Variants in ANGPTL1 observed in about 807,000 individuals in gnomAD.
ANGPTL1 encodes angiopoietin-related protein 1.
In ANGPTL1, 36 loss-of-function variants were observed where a neutral mutation model predicts 46.7. The observed-to-expected ratio is 0.77, with a 90% CI of 0.59 to 1.02. The LOEUF (loss-of-function observed/expected upper bound fraction) is 1.02. Ranked by LOEUF, ANGPTL1 falls within the 50% of genes least tolerant of loss-of-function variation. The pLI is 0.00. For missense variants in ANGPTL1, 571 were observed against 594.7 expected (o/e 0.96, Z 0.41); for synonymous variants, 221 against 204.3 (o/e 1.08, Z -0.69).
In ANGPTL1 at chr1:178,865,200, T is replaced by C; in HGVS notation, c.577A>G (p.Ile193Val). ...TDLVNNQSVM[I>V]TLLEEQCLRI... ...AAGCACTGTTCTTCCAACAAAGTGATCATCACAGATTGGTTATTGACAAGA... is the reference window on the plus strand; with the variant it reads ...AAGCACTGTTCTTCCAACAAAGTGACCATCACAGATTGGTTATTGACAAGA... The change falls in exon 3 of 6, where the codon ATC becomes GTC. Residue 193 changes from isoleucine to valine, a missense_variant. Coordinates refer to ENST00000234816, the MANE Select transcript of ANGPTL1 (RefSeq NM_004673.4). The C allele has an allele frequency of 6.2e-7, 1 of 1,613,858 alleles. No homozygotes were observed. Among genetic ancestry groups the C allele is most frequent in the Admixed American group, 1.7e-5 (1 of 60,016 alleles).
rs111624610 is a variant in ANGPTL1 at position 178,864,860 on chromosome 1, G to A, written c.823+94C>T. 3.6e-4 allele frequency: 312 copies of A among 857,990 alleles called. 2 individuals carry two copies. The African/African-American group carries it at 4.6e-3, about 13-fold the overall frequency. 53.1% of individuals were successfully genotyped at this position (857,990 alleles called of 1,614,324 possible). A position where few individuals can be genotyped will look rare whatever the true frequency, so the allele number is the denominator to read the frequency against. On this transcript the variant is annotated intron_variant, in intron 3 of 5. Transcript: ENST00000234816. ...AATTTTAATGTACATATATAACATC[G>A]CAAAATGAATAAGCATTTATTATGA...
chr1:178,853,926 A>G (rs1657355779), intron 3 of ANGPTL1, 139 bp from the exon 4 acceptor site: 2 of 519,934 alleles, frequency 3.8e-6, no homozygotes, highest in East Asian at 7.0e-5. Context: ...TATAAAATAT[A>G]ACTAAATAAA....
chr1:178,863,881 T>C (rs1658205885), intron 3 of ANGPTL1, among the ~76,000 whole-genome samples: 1 of 152,234 alleles, frequency 6.6e-6, no homozygotes, highest in African/African-American at 2.4e-5. Flanking sequence ...CTTCATGATA[T>C]ATTTCTTTCT....
At chr1:178,868,489 A>G (rs1658555066) in intron 2 of ANGPTL1, among the ~76,000 whole-genome samples, 1 of 152,044 alleles carries the variant, frequency 6.6e-6, no homozygotes, top group Admixed American at 6.6e-5. Flanking sequence ...GCAGGAAGTA[A>G]TATAAAACTC....
intron 2 of ANGPTL1, among the ~76,000 whole-genome samples, chr1:178,866,641 A>C (rs1227326377): frequency 6.6e-6 from 1 of 152,118 alleles, no homozygotes; most frequent in Non-Finnish European, 1.5e-5. Flanking sequence ...ATTGAATATG[A>C]ATGTCAGAGT....
intron 2 of ANGPTL1, 92 bp downstream of exon 2, chr1:178,869,022 A>G (rs1471233335): frequency 1.3e-5 from 2 of 152,074 alleles, no homozygotes; most frequent in Non-Finnish European, 2.9e-5. Flanking sequence ...CAAAAGATCC[A>G]TAAATCTATG....
At chr1:178,866,828 G>C (rs543962091) in intron 2 of ANGPTL1, among the ~76,000 whole-genome samples, 10 of 152,270 alleles carry the variant, frequency 6.6e-5, no homozygotes, top group Non-Finnish European at 1.3e-4. Flanking sequence ...CGTTTTTGCT[G>C]TAGCAGATGA....
intron 3 of ANGPTL1, among the ~76,000 whole-genome samples, chr1:178,854,614 A>G (rs1005606221): frequency 3.3e-5 from 5 of 152,102 alleles, no homozygotes; most frequent in East Asian, 1.9e-4. Context: ...CATTTAACCT[A>G]CAGTTACCTG....
chr1:178,851,176 AC>A lies in ANGPTL1; in HGVS notation c.1428del (p.Ser477HisfsTer4). ...ATCTGAACTGCTCTTAAGGAGTATG[AC>A]CCGCCTCTGTATTCGGCCCAGAAAA... ...DGIFWAEYRGGSYSLRAVQMM... is the reference protein window; with the variant it reads ...DGIFWAEYRGXSYSLRAVQMM... On this transcript the variant is annotated frameshift_variant, in exon 6 of 6. Coordinates refer to ENST00000234816, the MANE Select transcript of ANGPTL1 (RefSeq NM_004673.4). LOFTEE classifies it high-confidence loss of function. 4 of 1,613,654 alleles carry A rather than the reference AC, an allele frequency of 2.5e-6. No homozygotes were observed. Among genetic ancestry groups the A allele is most frequent in the Non-Finnish European group, 3.4e-6 (4 of 1,179,820 alleles).
At chr1:178,862,108 A>G (rs575017287) in intron 3 of ANGPTL1, among the ~76,000 whole-genome samples, 2 of 152,176 alleles carry the variant, frequency 1.3e-5, no homozygotes, top group Admixed American at 6.5e-5. Flanking sequence ...CCTGACCTCA[A>G]GTGATCCGTC....
At chr1:178,854,397 T>C (rs899874800) in intron 3 of ANGPTL1, among the ~76,000 whole-genome samples, 6 of 152,142 alleles carry the variant, frequency 3.9e-5, no homozygotes, top group African/African-American at 1.2e-4. Flanking sequence ...ATGCAAAATA[T>C]TATGTTTCCC....
intron 3 of ANGPTL1, among the ~76,000 whole-genome samples, chr1:178,857,403 G>A (rs1436079274): frequency 1.3e-5 from 2 of 152,236 alleles, no homozygotes; most frequent in East Asian, 3.9e-4. Context: ...ACTGTTTTAG[G>A]CTCAAGGGAT....
At chr1:178,851,537 A>G (rs187618008) in intron 5 of ANGPTL1, among the ~76,000 whole-genome samples, 3 of 151,866 alleles carry the variant, frequency 2.0e-5, no homozygotes, top group Non-Finnish European at 2.9e-5. Context: ...CTTGCTTACA[A>G]TGTACTTTTT....
chr1:178,858,870 G>C (rs1473432491), intron 3 of ANGPTL1, among the ~76,000 whole-genome samples: 1 of 152,176 alleles, frequency 6.6e-6, no homozygotes, highest in African/African-American at 2.4e-5. Context: ...TTTACAAAGA[G>C]AATTACAGAT....
In ANGPTL1 at chr1:178,863,156, A is replaced by AC. The variant is rs541955653; in HGVS notation, c.823+1797dup. On this transcript the variant is annotated intron_variant, in intron 3 of 5. Transcript: ENST00000234816. ...GCTGCTGTGGATCATTTGAATCTAA[A>AC]CAAGAGTTCTGGCTCTGAATAGAAA... is the stretch of plus-strand genomic sequence containing the variant. Among the ~76,000 whole-genome samples, 595 of 152,284 alleles carry AC rather than the reference A, an allele frequency of 3.9e-3. 3 individuals carry two copies. Among genetic ancestry groups the AC allele is most frequent in the Non-Finnish European group, 5.0e-3 (339 of 68,016 alleles).
chr1:178,852,983 T>A (rs767995957), intron 4 of ANGPTL1, 30 bp from the exon 5 acceptor site: 2 of 1,580,838 alleles, frequency 1.3e-6, no homozygotes, highest in Non-Finnish European at 1.7e-6. Context: ...CATGAGTGCA[T>A]AAATAAGTAT....
Position 178,865,133 on chromosome 1 carries a change from A to C in ANGPTL1, c.644T>G (p.Leu215Arg), listed in dbSNP as rs1658301981. ...AATATGTTGTGGCACCACCTGGACAAGTGGGGGAGACACATGGGTGTCTTG... is the reference window on the plus strand; with the variant it reads ...AATATGTTGTGGCACCACCTGGACACGTGGGGGAGACACATGGGTGTCTTG... Reference protein sequence around the residue: ...SRQDTHVSPPLVQVVPQHIPN... With the variant: ...SRQDTHVSPPRVQVVPQHIPN... The change falls in exon 3 of 6, where the codon CTT (leucine) becomes CGT (arginine). Residue 215 changes from leucine (L) to arginine (R), a missense_variant. Physicochemically the swap from Leu to Arg is moderately radical, Grantham distance 102. Transcript: ENST00000234816. 3 of 1,592,750 alleles carry C rather than the reference A, an allele frequency of 1.9e-6. No homozygotes were observed. In the African/African-American group the frequency reaches 4.0e-5, roughly 21 times the overall value.
At chr1:178,860,614 C>T (rs892513489) in intron 3 of ANGPTL1, among the ~76,000 whole-genome samples, 9 of 152,230 alleles carry the variant, frequency 5.9e-5, no homozygotes, top group Non-Finnish European at 1.0e-4. Context: ...CTCCGCCTAA[C>T]ATCTGGCAGC....
At chr1:178,853,096 G>C (rs1657292017) in intron 4 of ANGPTL1, 143 bp from the exon 5 acceptor site, 2 of 1,422,042 alleles carry the variant, frequency 1.4e-6, no homozygotes, top group African/African-American at 2.9e-5. Flanking sequence ...TTGGTCACTT[G>C]CGTTTTATAA....
Sources: allele counts gnomAD v4.1 joint callset (sites outside exome capture counted in the v4.1 genomes callset), GRCh38; gene constraint gnomAD v4.1.1; transcripts MANE v1.5; gene names NCBI Gene and HGNC (gene_info 2026-07-23, HGNC 2026-07-21).